ZNF385B: variants seen among roughly 807,000 people sequenced by gnomAD.
ZNF385B encodes the protein zinc finger protein 533.
In ZNF385B, 23 loss-of-function variants were observed where a neutral mutation model predicts 39.2. That is an observed-to-expected ratio of 0.59 (90% CI 0.42 to 0.83). The LOEUF (loss-of-function observed/expected upper bound fraction) is 0.83. ZNF385B is among the 40% of genes least tolerant of loss of function. The pLI is 0.00. For missense variants in ZNF385B, 552 were observed against 598.9 expected (o/e 0.92, Z 0.82); for synonymous variants, 205 against 222.6 (o/e 0.92, Z 0.70).
intron 4 of ZNF385B, among the ~76,000 whole-genome samples, chr2:179,540,552 C>T (rs1206788720): frequency 6.6e-6 from 1 of 152,112 alleles, no homozygotes; most frequent in South Asian, 2.1e-4. Context: ...TTGGGCTTAT[C>T]GCCTGGTCTT....
chr2:179,799,516 C>T (rs554949960), intron 1 of ZNF385B, among the ~76,000 whole-genome samples: 6 of 151,760 alleles, frequency 4.0e-5, no homozygotes, highest in Admixed American at 6.6e-5. Context: ...TTCTTTTTAC[C>T]GGTTTCTTGC....
chr2:179,506,167 A>T (rs2057239929), intron 5 of ZNF385B, among the ~76,000 whole-genome samples: 1 of 152,080 alleles, frequency 6.6e-6, no homozygotes, highest in Non-Finnish European at 1.5e-5. Context: ...AAGTTTGCAA[A>T]CCTTGTGCCA....
At chr2:179,737,353 GT>G (rs1169413669) in intron 3 of ZNF385B, among the ~76,000 whole-genome samples, 1 of 152,130 alleles carries the variant, frequency 6.6e-6, no homozygotes, top group Non-Finnish European at 1.5e-5. Context: ...TGGGTAAAGA[GT>G]TAAAAGCAAT....
chr2:179,620,926 G>A (rs573351367), intron 3 of ZNF385B, among the ~76,000 whole-genome samples: 1 of 152,212 alleles, frequency 6.6e-6, no homozygotes, highest in Admixed American at 6.5e-5. Context: ...GTTTTCCCTA[G>A]ATTTCAAGTT....
intron 6 of ZNF385B, among the ~76,000 whole-genome samples, chr2:179,447,947 TTGA>T (rs973133748): frequency 6.6e-6 from 1 of 150,434 alleles, no homozygotes; most frequent in Non-Finnish European, 1.5e-5. Context: ...AAAAGCCAAA[TTGA>T]TTTAGGAATC....
At chr2:179,463,502 T>C (rs2051602065) in intron 6 of ZNF385B, among the ~76,000 whole-genome samples, 1 of 150,578 alleles carries the variant, frequency 6.6e-6, no homozygotes, top group Admixed American at 6.6e-5. Context: ...ATCCCTCCCC[T>C]AGCCCCCAAC....
chr2:179,699,596 G>A (rs187279869), intron 3 of ZNF385B, among the ~76,000 whole-genome samples: 23 of 152,274 alleles, frequency 1.5e-4, no homozygotes, highest in Admixed American at 1.4e-3. Context: ...AAAAGATGCA[G>A]AATATATGTA....
intron 3 of ZNF385B, among the ~76,000 whole-genome samples, chr2:179,575,491 G>A (rs989541937): frequency 6.6e-6 from 1 of 152,126 alleles, no homozygotes; most frequent in African/African-American, 2.4e-5. Context: ...TTGAGAAGCA[G>A]AAGTCGAAAT....
chr2:179,614,307 A>ATT (rs61160417), intron 3 of ZNF385B, among the ~76,000 whole-genome samples: 28,186 of 151,640 alleles, frequency 0.19, 3,183 homozygotes, highest in South Asian at 0.29. Context: ...CCACTTCTGT[A>ATT]TTTTTTTTCT....
At chr2:179,562,074 T>C (rs2061370458) in intron 3 of ZNF385B, among the ~76,000 whole-genome samples, 1 of 152,118 alleles carries the variant, frequency 6.6e-6, no homozygotes, top group Non-Finnish European at 1.5e-5. Flanking sequence ...TGAACATGAA[T>C]CTCATTTTTA....
intron 3 of ZNF385B, among the ~76,000 whole-genome samples, chr2:179,684,489 G>C (rs1697771131): frequency 6.6e-6 from 1 of 152,174 alleles, no homozygotes; most frequent in East Asian, 1.9e-4. Context: ...CCATTATGTG[G>C]TTTAACAAAG....
chr2:179,591,234 G>A (rs1197898461), intron 3 of ZNF385B, among the ~76,000 whole-genome samples: 3 of 151,438 alleles, frequency 2.0e-5, no homozygotes, highest in Non-Finnish European at 2.9e-5. Flanking sequence ...GATTACAAAC[G>A]TTCCCTCTGT....
At chr2:179,729,311 T>C (rs548103062) in intron 3 of ZNF385B, among the ~76,000 whole-genome samples, 1 of 152,270 alleles carries the variant, frequency 6.6e-6, no homozygotes, top group East Asian at 1.9e-4. Context: ...TTCCTGGTGA[T>C]TAAACACAAT....
At chr2:179,710,960 C>G (rs1212811873) in intron 3 of ZNF385B, among the ~76,000 whole-genome samples, 1 of 152,150 alleles carries the variant, frequency 6.6e-6, no homozygotes, top group Non-Finnish European at 1.5e-5. Flanking sequence ...TTCCCACCAT[C>G]AACAAGATGA....
At chr2:179,668,675 G>A (rs1173637444) in intron 3 of ZNF385B, among the ~76,000 whole-genome samples, 1 of 150,728 alleles carries the variant, frequency 6.6e-6, no homozygotes, top group African/African-American at 2.4e-5. Context: ...GCTGAGAGGA[G>A]GGTCTACAAA....
chr2:179,723,000 A>G (rs1213386617), intron 3 of ZNF385B, among the ~76,000 whole-genome samples: 1 of 152,182 alleles, frequency 6.6e-6, no homozygotes, highest in African/African-American at 2.4e-5. Context: ...TAAATCCCCA[A>G]TGAGATAGCA....
At chr2:179,475,401 G>A (rs934756635) in intron 6 of ZNF385B, among the ~76,000 whole-genome samples, 4 of 151,826 alleles carry the variant, frequency 2.6e-5, no homozygotes, top group Admixed American at 1.3e-4. Context: ...ACAGGCGCCC[G>A]CCACCATGCC....
chr2:179,695,394 A>G (rs977746941), intron 3 of ZNF385B, among the ~76,000 whole-genome samples: 2 of 152,198 alleles, frequency 1.3e-5, no homozygotes, highest in African/African-American at 4.8e-5. Flanking sequence ...CAAGAAAGTG[A>G]AAAGACAACT....
intron 3 of ZNF385B, among the ~76,000 whole-genome samples, chr2:179,637,497 G>A (rs1295744176): frequency 9.4e-5 from 14 of 148,768 alleles, no homozygotes; most frequent in Non-Finnish European, 1.3e-4. Flanking sequence ...CAGTTACCAA[G>A]AAAAAAAAAA....
Sources: allele counts gnomAD v4.1 joint callset (sites outside exome capture counted in the v4.1 genomes callset), GRCh38; gene constraint gnomAD v4.1.1; transcripts MANE v1.5; gene names NCBI Gene and HGNC (gene_info 2026-07-23, HGNC 2026-07-21).